The following ADCY2 variants were observed in gnomAD, a reference collection of about 807,000 sequenced individuals.
ADCY2 encodes the protein adenylate cyclase 2.
ADCY2 carries 31 observed loss-of-function variants against 125.2 expected under a neutral mutation model. The observed-to-expected ratio is 0.25, with a 90% confidence interval of 0.19 to 0.33. ADCY2 has a LOEUF of 0.33. ADCY2 is among the 10% of genes least tolerant of loss of function. The pLI, the probability that ADCY2 is intolerant of heterozygous loss-of-function variation, is 1.00. For missense variants in ADCY2, 904 were observed against 1,418.2 expected (o/e 0.64, Z 5.82); for synonymous variants, 512 against 548.4 (o/e 0.93, Z 0.93).
chr5:7,777,055 CTA>C (rs35756313), intron 18 of ADCY2, among the ~76,000 whole-genome samples: 4 of 149,194 alleles, frequency 2.7e-5, no homozygotes, highest in Non-Finnish European at 6.0e-5. Flanking sequence ...AAACTCCCTT[CTA>C]TATATATATA....
At chr5:7,621,912 C>T (rs566413238) in intron 3 of ADCY2, among the ~76,000 whole-genome samples, 8 of 152,252 alleles carry the variant, frequency 5.3e-5, no homozygotes, top group Non-Finnish European at 7.4e-5. Flanking sequence ...CCAGACCCCG[C>T]GCATACTCAA....
In ADCY2 at chr5:7,718,614, G is replaced by A. The variant is rs143272888; in HGVS notation, c.1703+1377G>A. Among the ~76,000 whole-genome samples the A allele has an allele frequency of 3.0e-3, 457 of 152,128 alleles. 2 individuals are homozygous for A. Among genetic ancestry groups the A allele is most frequent in the Middle Eastern group, 0.01 (3 of 294 alleles). On this transcript the variant is annotated intron_variant, in intron 12 of 24. Coordinates refer to ENST00000338316, the MANE Select transcript of ADCY2 (RefSeq NM_020546.3). Reference sequence around the variant, plus strand: ...CTTGGTCAGGGAAGAGTTGCCATTCGGATGTGCTAGAACACTGAATTGTCA... The same window carrying A: ...CTTGGTCAGGGAAGAGTTGCCATTCAGATGTGCTAGAACACTGAATTGTCA...
chr5:7,707,643 T>C lies in ADCY2; in HGVS notation c.1269-63T>C, dbSNP rs1741304970. The C allele has an allele frequency of 5.7e-6, 9 of 1,575,682 alleles. No individual in the cohort carries two copies. In the South Asian group the frequency reaches 1.0e-4, roughly 18 times the overall value. On this transcript the variant is annotated intron_variant, in intron 8 of 24. Coordinates refer to ENST00000338316, the MANE Select transcript of ADCY2 (RefSeq NM_020546.3). Reference sequence around the variant, plus strand: ...AATTATTTCAGAAATCATGAGCAAATAGAAACCTTTCTTCACACTTATCCT... The same window carrying C: ...AATTATTTCAGAAATCATGAGCAAACAGAAACCTTTCTTCACACTTATCCT...
intron 10 of ADCY2, 125 bp from the exon 11 acceptor site, chr5:7,712,731 T>C (rs1741478342): frequency 1.5e-6 from 1 of 684,658 alleles, no homozygotes; most frequent in Non-Finnish European, 2.5e-6. Flanking sequence ...ACATGAGTAA[T>C]TAATTATTTG....
At chr5:7,711,436 G>T (rs1379129238) in intron 10 of ADCY2, among the ~76,000 whole-genome samples, 1 of 152,196 alleles carries the variant, frequency 6.6e-6, no homozygotes, top group South Asian at 2.1e-4. Context: ...TGGTTGGTTG[G>T]TTGGTTTTTA....
intron 2 of ADCY2, among the ~76,000 whole-genome samples, chr5:7,417,335 C>T (rs1739993271): frequency 6.6e-6 from 1 of 152,076 alleles, no homozygotes; most frequent in African/African-American, 2.4e-5. Flanking sequence ...TTATGTTGAC[C>T]TTACAGTGTC....
chr5:7,470,926 T>C (rs749591465), intron 2 of ADCY2, among the ~76,000 whole-genome samples: 51 of 151,836 alleles, frequency 3.4e-4, no homozygotes, highest in Non-Finnish European at 6.9e-4. Context: ...AGCTTTTGCT[T>C]TATGAATTTT....
At chr5:7,417,070 G>A (rs753323526) in intron 2 of ADCY2, among the ~76,000 whole-genome samples, 1 of 152,168 alleles carries the variant, frequency 6.6e-6, no homozygotes, top group African/African-American at 2.4e-5. Flanking sequence ...ATTAATGAAA[G>A]GGTCGTGTAT....
intron 1 of ADCY2, among the ~76,000 whole-genome samples, chr5:7,403,975 C>T (rs1414746281): frequency 6.7e-6 from 1 of 150,018 alleles, no homozygotes; most frequent in Admixed American, 6.6e-5. Flanking sequence ...CACACACACA[C>T]AAAATTACTA....
intron 3 of ADCY2, among the ~76,000 whole-genome samples, chr5:7,608,074 C>T (rs1003333088): frequency 3.9e-5 from 6 of 152,018 alleles, no homozygotes; most frequent in Non-Finnish European, 8.8e-5. Context: ...AACTACTTAG[C>T]AGGCAAAAAA....
chr5:7,438,766 T>C (rs1421951996), intron 2 of ADCY2, among the ~76,000 whole-genome samples: 3 of 152,216 alleles, frequency 2.0e-5, no homozygotes, highest in Non-Finnish European at 2.9e-5. Flanking sequence ...ATTTACTGCA[T>C]GTGTCACAGA....
At chr5:7,555,854 G>GCACACA (rs58926524) in intron 3 of ADCY2, among the ~76,000 whole-genome samples, 6 of 142,552 alleles carry the variant, frequency 4.2e-5, no homozygotes, top group South Asian at 2.3e-4. Flanking sequence ...ACATGTGAGC[G>GCACACA]CACACACACA....
rs113928215 is a variant in ADCY2 at position 7,540,520 on chromosome 5, C to T, written c.570+19621C>T. ...TCTGCTGGATTTTAAGCAGATGCTT[C>T]GGATTTCATGAAGCACATTTACATT... is the stretch of plus-strand genomic sequence containing the variant. On this transcript the variant is annotated intron_variant, in intron 3 of 24. Coordinates refer to ENST00000338316, the MANE Select transcript of ADCY2 (RefSeq NM_020546.3). Among the ~76,000 whole-genome samples, 200 of 152,280 alleles carry T rather than the reference C, an allele frequency of 1.3e-3. 1 individual carries two copies. Among genetic ancestry groups the T allele is most frequent in the Non-Finnish European group, 2.6e-3 (174 of 68,018 alleles).
rs567150022 is a variant in ADCY2 at position 7,770,964 on chromosome 5, G to A, written c.2215-1968G>A. 9.4e-4 allele frequency among the ~76,000 whole-genome samples: 143 copies of A among 152,090 alleles called. 1 individual carries two copies. Among genetic ancestry groups the A allele is most frequent in the Non-Finnish European group, 1.6e-3 (107 of 68,020 alleles). On this transcript the variant is annotated intron_variant, in intron 17 of 24. Coordinates refer to ENST00000338316, the MANE Select transcript of ADCY2 (RefSeq NM_020546.3). ...CATATGAAATGCAAGCTCATATTTC[G>A]TTATATTCAACAGAAACAAGCTCAC... is the stretch of plus-strand genomic sequence containing the variant.
At chr5:7,707,641 A>T (rs1741304909) in intron 8 of ADCY2, 65 bp from the exon 9 acceptor site, 1 of 1,571,472 alleles carries the variant, frequency 6.4e-7, no homozygotes, top group African/African-American at 1.4e-5. Context: ...ATCATGAGCA[A>T]ATAGAAACCT....
intron 20 of ADCY2, among the ~76,000 whole-genome samples, chr5:7,792,630 C>T (rs1044346880): frequency 7.9e-5 from 12 of 152,176 alleles, no homozygotes; most frequent in African/African-American, 2.7e-4. Flanking sequence ...TCTGCTCTTT[C>T]CTGTTTGCTT....
chr5:7,816,026 A>C (rs941797619), intron 22 of ADCY2, among the ~76,000 whole-genome samples: 1 of 152,070 alleles, frequency 6.6e-6, no homozygotes, highest in African/African-American at 2.4e-5. Flanking sequence ...CTGGGTCCTA[A>C]CTGCCTCTTC....
chr5:7,818,473 C>T (rs1331255548), intron 23 of ADCY2, among the ~76,000 whole-genome samples: 3 of 151,858 alleles, frequency 2.0e-5, no homozygotes, highest in Non-Finnish European at 4.4e-5. Flanking sequence ...TCTCCTGCCT[C>T]GGCCTCCCAA....
intron 3 of ADCY2, among the ~76,000 whole-genome samples, chr5:7,552,106 A>C (rs1160167341): frequency 6.6e-6 from 1 of 152,188 alleles, no homozygotes; most frequent in Non-Finnish European, 1.5e-5. Context: ...TAATAGACCT[A>C]TCGATTGGAA....
Sources: allele counts gnomAD v4.1 joint callset (sites outside exome capture counted in the v4.1 genomes callset), GRCh38; gene constraint gnomAD v4.1.1; transcripts MANE v1.5; gene names NCBI Gene and HGNC (gene_info 2026-07-23, HGNC 2026-07-21).